SGCD: variants seen among roughly 807,000 people sequenced by gnomAD.
SGCD encodes delta-sarcoglycan.
In SGCD, 18 loss-of-function variants were observed where a neutral mutation model predicts 36.6. That is an observed-to-expected ratio of 0.49 (90% CI 0.34 to 0.73). The LOEUF is 0.73. SGCD is among the 30% of genes least tolerant of loss of function. The pLI is 0.01. For synonymous variants in SGCD, 133 were observed against 130.6 expected (o/e 1.02, Z -0.12); for missense variants, 387 against 346.7 (o/e 1.12, Z -0.92).
chr5:156,360,021 C>G lies in SGCD; in HGVS notation c.192+15344C>G, dbSNP rs568716270. ...TCTCATTGTCCAGGGTTGCCCTGAT[C>G]CCATAGTGCAAAGTGATAGTGACAG... is the stretch of plus-strand genomic sequence containing the variant. On this transcript the variant is annotated intron_variant, in intron 3 of 8. Coordinates refer to ENST00000337851, the MANE Select transcript of SGCD (RefSeq NM_000337.6). 1.9e-3 allele frequency among the ~76,000 whole-genome samples: 288 copies of G among 152,242 alleles called. 5 individuals carry two copies. The South Asian group carries it at 0.031, about 16-fold the overall frequency.
chr5:156,146,902 A>G (rs1477338631), intron 3 of SGCD, among the ~76,000 whole-genome samples: 1 of 152,206 alleles, frequency 6.6e-6, no homozygotes, highest in African/African-American at 2.4e-5. Flanking sequence ...AATGTTTAAA[A>G]GAAGGAATAT....
At chr5:156,082,504 C>T (rs1344143396) in intron 1 of SGCD, among the ~76,000 whole-genome samples, 2 of 152,170 alleles carry the variant, frequency 1.3e-5, no homozygotes, top group African/African-American at 4.8e-5. Context: ...TTGTGATTGG[C>T]TTTAACTCCA....
At chr5:156,738,285 A>G (rs1468337771) in intron 7 of SGCD, among the ~76,000 whole-genome samples, 2 of 152,164 alleles carry the variant, frequency 1.3e-5, no homozygotes, top group African/African-American at 4.8e-5. Context: ...GATGGAGGGT[A>G]TGGGGAGGAC....
At chr5:156,169,196 A>G (rs1411089250) in intron 3 of SGCD, among the ~76,000 whole-genome samples, 1 of 152,202 alleles carries the variant, frequency 6.6e-6, no homozygotes, top group Non-Finnish European at 1.5e-5. Context: ...GGCTCCTCCA[A>G]GGAGGTTTGT....
chr5:156,667,985 A>G (rs1250193906), intron 7 of SGCD, among the ~76,000 whole-genome samples: 1 of 152,224 alleles, frequency 6.6e-6, no homozygotes, highest in Non-Finnish European at 1.5e-5. Flanking sequence ...ATTTCAACTA[A>G]CAGAGTTCAC....
chr5:156,065,534 G>T (rs1760323703), intron 1 of SGCD, among the ~76,000 whole-genome samples: 1 of 33,070 alleles, frequency 3.0e-5, no homozygotes, highest in African/African-American at 1.9e-4. Context: ...TTGACAGTGG[G>T]GTGTTAAAGT....
intron 3 of SGCD, among the ~76,000 whole-genome samples, chr5:156,436,804 A>G (rs971378699): frequency 3.9e-5 from 6 of 152,278 alleles, no homozygotes; most frequent in African/African-American, 1.4e-4. Flanking sequence ...CAAATTTTTG[A>G]TAGTTGACAT....
chr5:155,803,850 A>G, the SGCD span, among the ~76,000 whole-genome samples: 3 of 152,150 alleles, frequency 2.0e-5, no homozygotes, highest in African/African-American at 7.2e-5. Flanking sequence ...GGAGGGTGAG[A>G]CAAAGATGTT....
chr5:156,020,552 C>G (rs1345879785), intron 1 of SGCD, among the ~76,000 whole-genome samples: 1 of 152,052 alleles, frequency 6.6e-6, no homozygotes, highest in African/African-American at 2.4e-5. Context: ...ATAGAAAACA[C>G]TCTTACACAT....
intron 3 of SGCD, among the ~76,000 whole-genome samples, chr5:156,198,175 G>T (rs985974801): frequency 1.3e-5 from 2 of 151,952 alleles, no homozygotes; most frequent in African/African-American, 4.8e-5. Context: ...CACTATGTAT[G>T]TCTAGAAGAA....
At chr5:156,706,803 T>C (rs1288154377) in intron 7 of SGCD, among the ~76,000 whole-genome samples, 5 of 152,134 alleles carry the variant, frequency 3.3e-5, no homozygotes, top group Non-Finnish European at 1.5e-5. Flanking sequence ...TGTTCTAAGG[T>C]ATCCTTTATC....
chr5:156,693,906 A>C (rs1281311477), intron 7 of SGCD, among the ~76,000 whole-genome samples: 1 of 152,060 alleles, frequency 6.6e-6, no homozygotes, highest in Non-Finnish European at 1.5e-5. Context: ...TAGAGCTTCT[A>C]CCCTCAGAGA....
the SGCD span, among the ~76,000 whole-genome samples, chr5:155,850,179 T>C: frequency 6.6e-6 from 1 of 152,192 alleles, no homozygotes; most frequent in Non-Finnish European, 1.5e-5. Context: ...ATTTGCTTTT[T>C]TCTGTAATGC....
At chr5:156,269,443 C>G (rs569947046) in intron 3 of SGCD, among the ~76,000 whole-genome samples, 1 of 122,438 alleles carries the variant, frequency 8.2e-6, no homozygotes, top group Non-Finnish European at 1.6e-5. Flanking sequence ...GCACTCCAGC[C>G]TAGGGGACAG....
At chr5:156,255,666 T>G (rs992307149) in intron 3 of SGCD, among the ~76,000 whole-genome samples, 1 of 152,118 alleles carries the variant, frequency 6.6e-6, no homozygotes, top group Non-Finnish European at 1.5e-5. Context: ...TTTCTTTTTT[T>G]GTTTCCTTGA....
In SGCD at chr5:156,688,094, T is replaced by A. The variant is rs578199916; in HGVS notation, c.575+40558T>A. On this transcript the variant is annotated intron_variant, in intron 7 of 8. Transcript: ENST00000337851. ...TTTAACTTCTAATTTCAGGGGTACA[T>A]GTGCAGGTTTGTTATTAGGTAAACT... Among the ~76,000 whole-genome samples, 175 of 152,272 alleles carry A rather than the reference T, an allele frequency of 1.1e-3. 1 individual carries two copies. The highest frequency in any genetic ancestry group is 4.1e-3 in the Admixed American group (63 of 15,282).
chr5:156,704,272 A>G (rs1754651604), intron 7 of SGCD: 1 of 152,098 alleles, frequency 6.6e-6, no homozygotes, highest in South Asian at 2.1e-4. Context: ...CATTTCATTC[A>G]TCTCTGAAAG....
At chr5:156,607,455 T>G (rs1422246999) in intron 6 of SGCD, among the ~76,000 whole-genome samples, 2 of 152,214 alleles carry the variant, frequency 1.3e-5, no homozygotes, top group Non-Finnish European at 2.9e-5. Flanking sequence ...TGCCAGTATT[T>G]TATTGAGGAT....
intron 7 of SGCD, among the ~76,000 whole-genome samples, chr5:156,649,381 A>C (rs1372480572): frequency 6.6e-6 from 1 of 152,190 alleles, no homozygotes; most frequent in Non-Finnish European, 1.5e-5. Context: ...AAAGGATTAT[A>C]AATCATGCTG....
Sources: gnomAD v4.1 joint callset for allele counts (sites outside exome capture counted in the v4.1 genomes callset) on GRCh38, gnomAD v4.1.1 for gene constraint, MANE v1.5 for transcripts, NCBI Gene and HGNC (gene_info 2026-07-23, HGNC 2026-07-21) for gene names.